Variants in FAM174B observed in about 807,000 individuals in gnomAD.
FAM174B encodes the protein family with sequence similarity 174 member B.
A neutral mutation model predicts 10.9 loss-of-function variants in FAM174B; 12 were observed. The ratio of observed to expected loss-of-function variants is 1.10; its 90% confidence interval spans 0.71 to 1.79. The LOEUF (loss-of-function observed/expected upper bound fraction) is 1.79. Among genes scored for constraint, FAM174B ranks in the 40% most tolerant of loss-of-function variants. FAM174B has a pLI of 0.00. For missense variants in FAM174B, 266 were observed against 233.3 expected, an observed-to-expected ratio of 1.14 and a Z score of -0.91; for synonymous variants, 132 against 115.8, an observed-to-expected ratio of 1.14 and a Z score of -0.90.
intron 1 of FAM174B, among the ~76,000 whole-genome samples, chr15:92,654,833 G>A (rs767900466): frequency 2.0e-5 from 3 of 151,982 alleles, no homozygotes; most frequent in Admixed American, 6.6e-5. Context: ...AAAGTAGGCG[G>A]GGCGTGAGGG....
At chr15:92,628,458 G>T (rs571790022) in intron 2 of FAM174B, among the ~76,000 whole-genome samples, 1 of 146,604 alleles carries the variant, frequency 6.8e-6, no homozygotes, top group South Asian at 2.2e-4. Flanking sequence ...GAGACTACAC[G>T]CATGAGCCAC....
intron 1 of FAM174B, among the ~76,000 whole-genome samples, chr15:92,632,831 T>C (rs535631206): frequency 6.6e-6 from 1 of 152,256 alleles, no homozygotes; most frequent in East Asian, 1.9e-4. Flanking sequence ...CCTAACACTA[T>C]GTTTTTACCT....
Position 92,631,048 on chromosome 15 carries a change from T to C in FAM174B, c.345-703A>G, listed in dbSNP as rs148598070. ...ATTACGTATTACATATTACATATTATATATTATATATTACGTATTACATAT... is the reference window on the plus strand; with the variant it reads ...ATTACGTATTACATATTACATATTACATATTATATATTACGTATTACATAT... On this transcript the variant is annotated intron_variant, in intron 1 of 2. Transcript: ENST00000327355. Among the ~76,000 whole-genome samples the C allele has an allele frequency of 6.8e-3, 129 of 18,986 alleles. 2 individuals carry two copies. The highest frequency in any genetic ancestry group is 0.011 in the Non-Finnish European group (106 of 9,400). The allele number at this position is 18,986 out of a possible 152,430, so 12.5% of individuals were successfully genotyped here.
rs1280942086 is a variant in FAM174B, at chr15:92,617,681, G to A, written c.*1775C>T. 11 of 680,804 alleles carry A rather than the reference G, an allele frequency of 1.6e-5. No homozygotes were observed. The highest frequency in any genetic ancestry group is 5.4e-5 in the African/African-American group (3 of 55,512). The allele number at this position is 680,804 out of a possible 1,614,324, so 42.2% of individuals were successfully genotyped here. A position where few individuals can be genotyped will look rare whatever the true frequency, so the allele number is the denominator to read the frequency against. ...GTTCCAGTTCAAAGGTTGAGGGGGC[G>A]AACAGCTGCGAGGTGGCCAGGCTCC... On this transcript the variant is annotated 3_prime_UTR_variant, in exon 3 of 3. Transcript: ENST00000327355.
intron 2 of FAM174B, chr15:92,619,759 A>T (rs1367777506): frequency 6.5e-6 from 3 of 459,848 alleles, no homozygotes; most frequent in Admixed American, 3.8e-5. Context: ...TGTTTACACT[A>T]GGGGTTGGAA....
chr15:92,649,093 T>C (rs1256271097), intron 1 of FAM174B, among the ~76,000 whole-genome samples: 3 of 152,214 alleles, frequency 2.0e-5, no homozygotes, highest in African/African-American at 7.2e-5. Context: ...TAGTCCCCAC[T>C]GCTTACCCTA....
chr15:92,655,561 G>T lies in FAM174B; in HGVS notation c.99C>A (p.Ser33=). The T allele has an allele frequency of 1.4e-6, 2 of 1,388,194 alleles. No homozygotes were observed. Among genetic ancestry groups the T allele is most frequent in the Non-Finnish European group, 9.3e-7 (1 of 1,072,664 alleles). 86.0% of individuals were successfully genotyped at this position (1,388,194 alleles called of 1,614,324 possible). The change falls in exon 1 of 3, where the codon TCC becomes TCA. Residue 33 remains serine, a synonymous_variant. Coordinates refer to ENST00000327355, the MANE Select transcript of FAM174B (RefSeq NM_207446.3). ...AARASRAESV[S]APWPEPERES... ...CGCGCTCGGGTTCGGGCCACGGCGC[G>T]GAGACGGACTCGGCTCTGCTGGCGC...
At chr15:92,648,594 C>T (rs1246820737) in intron 1 of FAM174B, among the ~76,000 whole-genome samples, 1 of 152,158 alleles carries the variant, frequency 6.6e-6, no homozygotes, top group African/African-American at 2.4e-5. Context: ...ACTCAGTGAC[C>T]TTCACCAAGC....
intron 1 of FAM174B, 170 bp downstream of exon 1, chr15:92,655,141 CAGACG>C: frequency 1.2e-6 from 1 of 826,500 alleles, no homozygotes. Flanking sequence ...CAGGAAAATC[CAGACG>C]AGCACACCCC....
intron 1 of FAM174B, among the ~76,000 whole-genome samples, chr15:92,632,375 T>C (rs2141955787): frequency 6.6e-6 from 1 of 152,300 alleles, no homozygotes; most frequent in Non-Finnish European, 1.5e-5. Flanking sequence ...AAACCCTGTC[T>C]CTACTAAAAA....
chr15:92,631,199 ATTACATATATT>A (rs2050799889), intron 1 of FAM174B, among the ~76,000 whole-genome samples: 1 of 24,918 alleles, frequency 4.0e-5, no homozygotes, highest in African/African-American at 1.3e-4. Context: ...TATTATATAT[ATTACATATATT>A]ATATATTATA....
intron 1 of FAM174B, among the ~76,000 whole-genome samples, chr15:92,640,904 C>A (rs951406990): frequency 6.6e-6 from 1 of 152,070 alleles, no homozygotes; most frequent in African/African-American, 2.4e-5. Flanking sequence ...CTCAGCCTCC[C>A]AAAGTGCTGG....
intron 1 of FAM174B, among the ~76,000 whole-genome samples, chr15:92,638,370 C>G (rs1278792488): frequency 6.6e-6 from 1 of 152,180 alleles, no homozygotes; most frequent in African/African-American, 2.4e-5. Context: ...GACTGTTCAC[C>G]AGCTGCTCAG....
intron 2 of FAM174B, among the ~76,000 whole-genome samples, chr15:92,629,254 C>G (rs1185018908): frequency 6.6e-6 from 1 of 152,200 alleles, no homozygotes; most frequent in Non-Finnish European, 1.5e-5. Flanking sequence ...TCTTCGAGCC[C>G]TCGTCTCAAA....
chr15:92,636,119 C>G (rs188524748), intron 1 of FAM174B, among the ~76,000 whole-genome samples: 1 of 152,286 alleles, frequency 6.6e-6, no homozygotes, highest in African/African-American at 2.4e-5. Context: ...GCTCTCTCTT[C>G]TCTAAGTGTA....
In FAM174B at chr15:92,637,941, C is replaced by T. The variant is rs868131235; in HGVS notation, c.345-7596G>A. ...TGCAATCAGACTTGGGTTCGCAGCCCAGTGCCCCCACGTCCAGAGCCTGTC... is the reference window on the plus strand; with the variant it reads ...TGCAATCAGACTTGGGTTCGCAGCCTAGTGCCCCCACGTCCAGAGCCTGTC... On this transcript the variant is annotated intron_variant, in intron 1 of 2. Coordinates refer to ENST00000327355, the MANE Select transcript of FAM174B (RefSeq NM_207446.3). Among the ~76,000 whole-genome samples the T allele has an allele frequency of 5.3e-5, 8 of 152,194 alleles. No individual in the cohort carries two copies. The South Asian group carries it at 1.7e-3, about 32-fold the overall frequency.
Position 92,617,829 on chromosome 15 carries a change from C to T in FAM174B, c.*1627G>A. ...GGGGAAAACAGAGAAGGAAAGTCAA[C>T]AAAGAAGGTGAAATGCAGGGAGCAG... On this transcript the variant is annotated 3_prime_UTR_variant, in exon 3 of 3. Transcript: ENST00000327355. The T allele has an allele frequency of 4.0e-6, 2 of 498,180 alleles. No homozygotes were observed. The highest frequency in any genetic ancestry group is 3.1e-5 in the South Asian group (1 of 32,016). The allele number at this position is 498,180 out of a possible 1,614,324, so 30.9% of individuals were successfully genotyped here.
At chr15:92,632,973 C>A (rs1399629665) in intron 1 of FAM174B, among the ~76,000 whole-genome samples, 1 of 152,154 alleles carries the variant, frequency 6.6e-6, no homozygotes, top group African/African-American at 2.4e-5. Flanking sequence ...TAGGACGCCA[C>A]TGGGAATAAC....
intron 1 of FAM174B, chr15:92,634,575 A>C (rs1432079156): frequency 2.6e-5 from 4 of 152,300 alleles, no homozygotes; most frequent in Non-Finnish European, 4.4e-5. Context: ...CTACGCTAGC[A>C]TCCAGAACAC....
Sources: gnomAD v4.1 joint callset for allele counts (sites outside exome capture counted in the v4.1 genomes callset) on GRCh38, gnomAD v4.1.1 for gene constraint, MANE v1.5 for transcripts, NCBI Gene and HGNC (gene_info 2026-07-23, HGNC 2026-07-21) for gene names.